The following PLCB1 variants were observed in gnomAD, a reference collection of about 807,000 sequenced individuals.
The protein encoded by PLCB1 is 1-phosphatidylinositol 4,5-bisphosphate phosphodiesterase beta-1.
PLCB1 carries 46 observed loss-of-function variants against 161.8 expected under a neutral mutation model. That is an observed-to-expected ratio of 0.28 (90% CI 0.22 to 0.36). The LOEUF (loss-of-function observed/expected upper bound fraction) is 0.36. PLCB1 is among the 10% of genes least tolerant of loss of function. The pLI, the probability that PLCB1 is intolerant of heterozygous loss-of-function variation, is 1.00. For missense variants in PLCB1, 1,016 were observed against 1,472.5 expected (o/e 0.69, Z 5.07); for synonymous variants, 517 against 503.7 (o/e 1.03, Z -0.35).
At chr20:8,333,104 A>G (rs1367968511) in intron 2 of PLCB1, among the ~76,000 whole-genome samples, 1 of 152,230 alleles carries the variant, frequency 6.6e-6, no homozygotes, top group Non-Finnish European at 1.5e-5. Context: ...ACATGGTTAC[A>G]GAGATGCGCT....
chr20:8,610,841 C>G (rs1436283808), intron 3 of PLCB1, among the ~76,000 whole-genome samples: 1 of 151,942 alleles, frequency 6.6e-6, no homozygotes, highest in Non-Finnish European at 1.5e-5. Context: ...AGTTTTAGCT[C>G]TTACATTTAG....
chr20:8,307,722 A>G (rs911579020), intron 2 of PLCB1, among the ~76,000 whole-genome samples: 1 of 151,972 alleles, frequency 6.6e-6, no homozygotes, highest in East Asian at 1.9e-4. Flanking sequence ...GGTGTTCGAG[A>G]CCAGCCTGGT....
chr20:8,552,201 A>G (rs554183678), intron 3 of PLCB1, among the ~76,000 whole-genome samples: 8 of 152,196 alleles, frequency 5.3e-5, no homozygotes, highest in Non-Finnish European at 1.2e-4. Context: ...CAACTGTTTG[A>G]ATGATTGGTG....
chr20:8,656,789 GGA>G (rs1491340700), intron 7 of PLCB1, among the ~76,000 whole-genome samples: 3 of 121,622 alleles, frequency 2.5e-5, no homozygotes, highest in African/African-American at 1.1e-4. Context: ...GATTCAAGTA[GGA>G]AAAAAAAAAA....
At chr20:8,251,340 A>C (rs769705097) in intron 2 of PLCB1, among the ~76,000 whole-genome samples, 1 of 151,972 alleles carries the variant, frequency 6.6e-6, no homozygotes, top group Non-Finnish European at 1.5e-5. Flanking sequence ...AGAACGGTGC[A>C]GTCCTCAAGG....
intron 3 of PLCB1, among the ~76,000 whole-genome samples, chr20:8,596,864 A>G (rs1197068133): frequency 3.8e-3 from 578 of 151,232 alleles, no homozygotes; most frequent in African/African-American, 0.013. Flanking sequence ...CTTTGAAGCA[A>G]TTGTGAATGG....
intron 23 of PLCB1, chr20:8,750,905 G>GCTGTCATA (rs1981428790): frequency 8.3e-7 from 1 of 1,209,310 alleles, no homozygotes; most frequent in South Asian, 1.2e-5. Context: ...AAAGCAAGAT[G>GCTGTCATA]CTGTCATAAG....
intron 18 of PLCB1, among the ~76,000 whole-genome samples, chr20:8,732,831 CTAT>C (rs1052843881): frequency 1.5e-5 from 2 of 133,942 alleles, no homozygotes; most frequent in Non-Finnish European, 3.1e-5. Context: ...TTTGTATATA[CTAT>C]ATTTATATAT....
chr20:8,632,024 GGTTTTTTTTGCTTTTTTT>G (rs1186262886), intron 4 of PLCB1, among the ~76,000 whole-genome samples: 1 of 91,776 alleles, frequency 1.1e-5, no homozygotes, highest in Non-Finnish European at 2.2e-5. Context: ...GACAAATATG[GGTTTTTTTTGCTTTTTTT>G]TTTTTTTTTT....
intron 10 of PLCB1, among the ~76,000 whole-genome samples, chr20:8,690,093 A>G (rs938347267): frequency 6.7e-6 from 1 of 149,848 alleles, no homozygotes; most frequent in African/African-American, 2.4e-5. Flanking sequence ...CAGTTTTTAA[A>G]ACTATATTAA....
chr20:8,327,601 T>C (rs1985207422), intron 2 of PLCB1, among the ~76,000 whole-genome samples: 1 of 152,198 alleles, frequency 6.6e-6, no homozygotes, highest in Admixed American at 6.5e-5. Flanking sequence ...GCCTCTACCA[T>C]AGAAGGCTTG....
At chr20:8,145,080 T>C (rs1426291601) in intron 1 of PLCB1, among the ~76,000 whole-genome samples, 2 of 152,126 alleles carry the variant, frequency 1.3e-5, no homozygotes, top group Non-Finnish European at 2.9e-5. Context: ...CAAAGGACCA[T>C]AGCCTGGGTG....
intron 18 of PLCB1, among the ~76,000 whole-genome samples, chr20:8,730,251 C>G (rs35431915): frequency 3.1e-3 from 475 of 151,968 alleles, no homozygotes; most frequent in Non-Finnish European, 4.9e-3. Flanking sequence ...CCATTTTTCT[C>G]ATGGTTTCTT....
intron 3 of PLCB1, among the ~76,000 whole-genome samples, chr20:8,505,806 A>G (rs773743481): frequency 2.0e-5 from 3 of 152,210 alleles, no homozygotes; most frequent in Non-Finnish European, 4.4e-5. Context: ...CTGTTTGGAG[A>G]AACAAGTTGG....
intron 5 of PLCB1, among the ~76,000 whole-genome samples, chr20:8,647,231 A>G (rs1568545344): frequency 1.3e-5 from 2 of 152,198 alleles, no homozygotes; most frequent in African/African-American, 4.8e-5. Flanking sequence ...ATGTTTCTAG[A>G]ACATTCATTC....
chr20:8,241,557 TAATTAGGCACCGAGTAGAGGC>T (rs1980612193), intron 2 of PLCB1, among the ~76,000 whole-genome samples: 1 of 151,932 alleles, frequency 6.6e-6, no homozygotes, highest in Non-Finnish European at 1.5e-5. Context: ...AATGAAATAT[TAATTAGGCACCGAGTAGAGGC>T]AAGGAGCTGG....
At chr20:8,694,052 C>A (rs1990535729) in intron 10 of PLCB1, among the ~76,000 whole-genome samples, 1 of 152,088 alleles carries the variant, frequency 6.6e-6, no homozygotes, top group African/African-American at 2.4e-5. Context: ...ATCCGCTAGC[C>A]CCAGAAGCTA....
intron 2 of PLCB1, among the ~76,000 whole-genome samples, chr20:8,369,868 G>C (rs1301329560): frequency 1.3e-5 from 2 of 152,204 alleles, no homozygotes; most frequent in Non-Finnish European, 2.9e-5. Context: ...TTGCATTCGA[G>C]GAGTGAGACT....
intron 11 of PLCB1, among the ~76,000 whole-genome samples, chr20:8,702,172 G>A (rs1350803243): frequency 6.6e-6 from 1 of 152,160 alleles, no homozygotes. Flanking sequence ...GCTCCTTTAT[G>A]AAGGGCTTTT....
Sources: allele counts gnomAD v4.1 joint callset (sites outside exome capture counted in the v4.1 genomes callset), GRCh38; gene constraint gnomAD v4.1.1; transcripts MANE v1.5; gene names NCBI Gene and HGNC (gene_info 2026-07-23, HGNC 2026-07-21).